Variants in GRID1 observed in about 807,000 individuals in gnomAD.
GRID1 encodes glutamate receptor ionotropic, delta-1.
GRID1 carries 28 observed loss-of-function variants against 98.0 expected under a neutral mutation model. That is an observed-to-expected ratio of 0.29 (90% CI 0.21 to 0.39). GRID1 has a LOEUF of 0.39. Among genes scored for constraint, GRID1 ranks in the 10% least tolerant of loss-of-function variants. The pLI is 1.00. For synonymous variants in GRID1, 553 were observed against 538.5 expected (o/e 1.03, Z -0.37); for missense variants, 1,111 against 1,340.5 (o/e 0.83, Z 2.67).
chr10:85,940,485 G>A (rs2131838118), intron 4 of GRID1, among the ~76,000 whole-genome samples: 1 of 152,304 alleles, frequency 6.6e-6, no homozygotes, highest in African/African-American at 2.4e-5. Flanking sequence ...ATTCCAGGGT[G>A]CACACACTGA....
intron 4 of GRID1, among the ~76,000 whole-genome samples, chr10:86,108,643 C>A (rs1320523886): frequency 6.6e-6 from 1 of 152,152 alleles, no homozygotes; most frequent in Non-Finnish European, 1.5e-5. Flanking sequence ...CAGCACCAGA[C>A]TCTGCTCTGC....
intron 2 of GRID1, among the ~76,000 whole-genome samples, chr10:86,354,808 G>A (rs141256984): frequency 2.0e-5 from 3 of 152,312 alleles, no homozygotes; most frequent in East Asian, 3.9e-4. Flanking sequence ...ATACCGTGCC[G>A]TGACAGGCCA....
chr10:85,973,958 T>C (rs958608637), intron 4 of GRID1, among the ~76,000 whole-genome samples: 1 of 152,198 alleles, frequency 6.6e-6, no homozygotes, highest in Non-Finnish European at 1.5e-5. Context: ...TATCACCCAA[T>C]ATAAGAGTGT....
intron 8 of GRID1, among the ~76,000 whole-genome samples, chr10:85,737,571 G>C (rs1841895611): frequency 6.7e-6 from 1 of 148,980 alleles, no homozygotes; most frequent in Non-Finnish European, 1.5e-5. Flanking sequence ...AAGGATGGAG[G>C]CAGGCAGTTC....
chr10:85,700,989 T>G (rs192138252), intron 12 of GRID1, among the ~76,000 whole-genome samples: 89 of 152,326 alleles, frequency 5.8e-4, no homozygotes, highest in African/African-American at 2.1e-3. Flanking sequence ...AAAATATGTT[T>G]ATAAAGAGAG....
intron 13 of GRID1, among the ~76,000 whole-genome samples, chr10:85,638,680 T>C (rs957965637): frequency 6.6e-6 from 1 of 152,212 alleles, no homozygotes; most frequent in Non-Finnish European, 1.5e-5. Flanking sequence ...ATAGTACTTA[T>C]ATTTGATCAA....
At chr10:85,610,272 G>C (rs1008578394) in intron 15 of GRID1, among the ~76,000 whole-genome samples, 1 of 152,140 alleles carries the variant, frequency 6.6e-6, no homozygotes, top group Non-Finnish European at 1.5e-5. Context: ...AAAGACTGTC[G>C]TTTTGAGCCG....
chr10:85,674,720 T>A (rs1046472361), intron 12 of GRID1, among the ~76,000 whole-genome samples: 2 of 152,104 alleles, frequency 1.3e-5, no homozygotes, highest in Non-Finnish European at 2.9e-5. Context: ...CAGGTTTTTT[T>A]TTTTTTTGGT....
At chr10:85,855,435 C>G (rs1258212668) in intron 7 of GRID1, among the ~76,000 whole-genome samples, 2 of 152,234 alleles carry the variant, frequency 1.3e-5, no homozygotes, top group Non-Finnish European at 2.9e-5. Context: ...GGCCCTGGCT[C>G]TGCCCTGGGC....
chr10:86,229,738 G>A lies in GRID1; in HGVS notation c.236-23090C>T, dbSNP rs181545719. Among the ~76,000 whole-genome samples, 15 of 152,258 alleles carry A rather than the reference G, an allele frequency of 9.9e-5. No individual in the cohort carries two copies. The South Asian group carries it at 1.9e-3, about 19-fold the overall frequency. On this transcript the variant is annotated intron_variant, in intron 2 of 15. Transcript: ENST00000327946. ...GGCCAGGGCAGACAGCCGGGCGTGC[G>A]GGCCAGCCAAGTCCACCTACCCATA...
chr10:85,908,924 T>C (rs911563413), intron 5 of GRID1, among the ~76,000 whole-genome samples: 5 of 152,190 alleles, frequency 3.3e-5, no homozygotes, highest in Non-Finnish European at 7.4e-5. Context: ...AAAGAATAAA[T>C]TGATAAGTTA....
chr10:85,624,337 G>A (rs995958983), intron 13 of GRID1, among the ~76,000 whole-genome samples: 8 of 152,090 alleles, frequency 5.3e-5, no homozygotes, highest in African/African-American at 1.2e-4. Flanking sequence ...ATTTCCAATC[G>A]CTGACTTACC....
At chr10:85,739,877 T>G (rs1301142649) in intron 8 of GRID1, among the ~76,000 whole-genome samples, 1 of 152,180 alleles carries the variant, frequency 6.6e-6, no homozygotes, top group Non-Finnish European at 1.5e-5. Flanking sequence ...CATATAAGCT[T>G]AAGCTCAAAG....
intron 13 of GRID1, among the ~76,000 whole-genome samples, chr10:85,641,242 C>T (rs1239807163): frequency 6.6e-6 from 1 of 152,198 alleles, no homozygotes. Context: ...TAAAGTCTGA[C>T]TTCATGTGAT....
At chr10:86,330,972 C>T (rs1848132354) in intron 2 of GRID1, among the ~76,000 whole-genome samples, 1 of 152,152 alleles carries the variant, frequency 6.6e-6, no homozygotes, top group African/African-American at 2.4e-5. Flanking sequence ...GACTAGTGAG[C>T]AAGGAAGGAA....
intron 8 of GRID1, among the ~76,000 whole-genome samples, chr10:85,853,701 A>C (rs976677620): frequency 6.6e-5 from 10 of 152,206 alleles, no homozygotes; most frequent in Non-Finnish European, 7.3e-5. Context: ...ATTGGCTCAC[A>C]GTGACCACAT....
intron 4 of GRID1, among the ~76,000 whole-genome samples, chr10:85,933,307 A>T (rs541686521): frequency 1.4e-3 from 165 of 119,238 alleles, no homozygotes; most frequent in African/African-American, 4.4e-3. Flanking sequence ...AAAAAAAAAA[A>T]AAAAACTTAT....
At chr10:85,931,045 G>T (rs576307440) in intron 4 of GRID1, among the ~76,000 whole-genome samples, 1 of 152,170 alleles carries the variant, frequency 6.6e-6, no homozygotes, top group African/African-American at 2.4e-5. Flanking sequence ...TTGCCATGTT[G>T]CCCAGGCTGG....
At chr10:86,249,825 C>G (rs1846791826) in intron 2 of GRID1, among the ~76,000 whole-genome samples, 1 of 152,222 alleles carries the variant, frequency 6.6e-6, no homozygotes, top group African/African-American at 2.4e-5. Context: ...CACAATAGAA[C>G]CTTCCAATCC....
Sources: allele counts gnomAD v4.1 joint callset (sites outside exome capture counted in the v4.1 genomes callset), GRCh38; gene constraint gnomAD v4.1.1; transcripts MANE v1.5; gene names NCBI Gene and HGNC (gene_info 2026-07-23, HGNC 2026-07-21).